The following TAOK3 variants were observed in gnomAD, a reference collection of about 807,000 sequenced individuals.
TAOK3 encodes serine/threonine-protein kinase TAO3.
In TAOK3, 40 loss-of-function variants were observed where a neutral mutation model predicts 120.4. The ratio of observed to expected loss-of-function variants is 0.33; its 90% CI spans 0.26 to 0.43. TAOK3 has a LOEUF of 0.43. Ranked by LOEUF, TAOK3 falls within the 20% of genes least tolerant of loss-of-function variation. The pLI, the probability that TAOK3 is intolerant of heterozygous loss-of-function variation, is 1.00. For missense variants in TAOK3, 821 were observed against 1,112.1 expected, an observed-to-expected ratio of 0.74 and a Z score of 3.72; for synonymous variants, 355 against 387.5, an observed-to-expected ratio of 0.92 and a Z score of 0.99.
chr12:118,359,433 T>C (rs1225572349), intron 1 of TAOK3: 2 of 152,134 alleles, frequency 1.3e-5, no homozygotes, highest in Admixed American at 6.6e-5. Flanking sequence ...TTAGGCACCC[T>C]CCACTCTCCC....
At chr12:118,264,977 T>C (rs1314497498) in intron 2 of TAOK3, among the ~76,000 whole-genome samples, 1 of 152,012 alleles carries the variant, frequency 6.6e-6, no homozygotes, top group Admixed American at 6.6e-5. Flanking sequence ...GAGGTTGCAG[T>C]GAGCAGACAT....
intron 17 of TAOK3, among the ~76,000 whole-genome samples, chr12:118,171,025 T>A (rs2035965935): frequency 6.6e-6 from 1 of 152,232 alleles, no homozygotes; most frequent in African/African-American, 2.4e-5. Context: ...AGATCATTTA[T>A]AAAGTTTTCT....
At chr12:118,318,701 C>T (rs772041127) in intron 1 of TAOK3, among the ~76,000 whole-genome samples, 19 of 152,038 alleles carry the variant, frequency 1.2e-4, no homozygotes, top group African/African-American at 4.1e-4. Flanking sequence ...ATTAGAACTA[C>T]GATATGACCT....
chr12:118,170,655 TG>T (rs2035944270), intron 17 of TAOK3, among the ~76,000 whole-genome samples: 1 of 152,040 alleles, frequency 6.6e-6, no homozygotes, highest in Non-Finnish European at 1.5e-5. Flanking sequence ...CCCAGCTACC[TG>T]GGGGGCTGAA....
At chr12:118,326,665 T>C (rs2043949024) in intron 1 of TAOK3, among the ~76,000 whole-genome samples, 1 of 152,190 alleles carries the variant, frequency 6.6e-6, no homozygotes, top group Non-Finnish European at 1.5e-5. Flanking sequence ...TTCTACTCAT[T>C]GGTAATAATA....
At chr12:118,287,194 C>T (rs371308936) in intron 1 of TAOK3, among the ~76,000 whole-genome samples, 1 of 152,144 alleles carries the variant, frequency 6.6e-6, no homozygotes, top group South Asian at 2.1e-4. Context: ...CAAACACCAC[C>T]TGTTCCCAAT....
intron 11 of TAOK3, among the ~76,000 whole-genome samples, chr12:118,206,250 C>A (rs1324044717): frequency 5.9e-5 from 9 of 152,172 alleles, no homozygotes. Context: ...GGGTCGATGA[C>A]GACATTGTTG....
Position 118,287,478 on chromosome 12 carries a change from G to C in TAOK3, c.-193-20719C>G, listed in dbSNP as rs540940643. 2.0e-5 allele frequency among the ~76,000 whole-genome samples: 3 copies of C among 152,150 alleles called. No homozygotes were observed. The South Asian group carries it at 6.2e-4, about 32-fold the overall frequency. On this transcript the variant is annotated intron_variant, in intron 1 of 20. Transcript: ENST00000392533. Reference sequence around the variant, plus strand: ...ATGTTGGCTAGGCTGGTCACGAACTGAATTTCCGATCAAAAAACACTTGCC... The same window carrying C: ...ATGTTGGCTAGGCTGGTCACGAACTCAATTTCCGATCAAAAAACACTTGCC...
At chr12:118,334,711 C>A (rs969610047) in intron 1 of TAOK3, among the ~76,000 whole-genome samples, 16 of 149,042 alleles carry the variant, frequency 1.1e-4, no homozygotes, top group Non-Finnish European at 2.1e-4. Context: ...CTCGTCTCTA[C>A]TAAACATACA....
At chr12:118,193,585 G>A (rs998860778) in intron 13 of TAOK3, among the ~76,000 whole-genome samples, 2 of 151,948 alleles carry the variant, frequency 1.3e-5, no homozygotes, top group African/African-American at 2.4e-5. Flanking sequence ...TTCGTGGTTA[G>A]GCACTTGCCT....
At chr12:118,217,809 G>GTA (rs2038988239) in intron 9 of TAOK3, among the ~76,000 whole-genome samples, 1 of 76,296 alleles carries the variant, frequency 1.3e-5, no homozygotes, top group Non-Finnish European at 2.6e-5. Context: ...GTGTGTGTGT[G>GTA]TGTATACATA....
intron 1 of TAOK3, among the ~76,000 whole-genome samples, chr12:118,348,636 G>C (rs1213462470): frequency 1.3e-5 from 2 of 151,886 alleles, no homozygotes; most frequent in Non-Finnish European, 2.9e-5. Flanking sequence ...ATTTTTAGTA[G>C]AGACAGGGTT....
intron 5 of TAOK3, among the ~76,000 whole-genome samples, chr12:118,242,737 G>T (rs1447709344): frequency 1.3e-5 from 2 of 152,062 alleles, no homozygotes; most frequent in African/African-American, 4.8e-5. Flanking sequence ...GCATGTGCCT[G>T]TAGTCCCAGC....
chr12:118,171,657 G>T (rs2036005302), intron 17 of TAOK3, among the ~76,000 whole-genome samples: 1 of 152,076 alleles, frequency 6.6e-6, no homozygotes, highest in Non-Finnish European at 1.5e-5. Flanking sequence ...ATGCCTGGCT[G>T]ATGCACTAAT....
At chr12:118,190,949 C>G (rs2037401605) in intron 13 of TAOK3, among the ~76,000 whole-genome samples, 1 of 152,052 alleles carries the variant, frequency 6.6e-6, no homozygotes, top group Non-Finnish European at 1.5e-5. Flanking sequence ...CATGTACAAC[C>G]ATGGGGGATT....
intron 11 of TAOK3, among the ~76,000 whole-genome samples, chr12:118,208,689 C>G (rs1418284068): frequency 6.6e-6 from 1 of 152,102 alleles, no homozygotes; most frequent in Non-Finnish European, 1.5e-5. Context: ...AATCCCACTT[C>G]TAGGAATTTC....
chr12:118,354,245 A>G (rs904351314), intron 1 of TAOK3, among the ~76,000 whole-genome samples: 2 of 152,180 alleles, frequency 1.3e-5, no homozygotes, highest in Non-Finnish European at 2.9e-5. Context: ...ATACTCTTGC[A>G]CTTTGGGGAT....
chr12:118,312,367 T>C (rs1353845294), intron 1 of TAOK3, among the ~76,000 whole-genome samples: 1 of 152,156 alleles, frequency 6.6e-6, no homozygotes, highest in Non-Finnish European at 1.5e-5. Context: ...GGCTAAATTA[T>C]ATAAGCAAGT....
intron 9 of TAOK3, among the ~76,000 whole-genome samples, chr12:118,220,174 C>T (rs2139624886): frequency 6.6e-6 from 1 of 152,188 alleles, no homozygotes; most frequent in East Asian, 1.9e-4. Context: ...TCCCAAAGTG[C>T]TGGGATTAGA....
Sources: allele counts gnomAD v4.1 joint callset (sites outside exome capture counted in the v4.1 genomes callset), GRCh38; gene constraint gnomAD v4.1.1; transcripts MANE v1.5; gene names NCBI Gene and HGNC (gene_info 2026-07-23, HGNC 2026-07-21).